Variants in COL20A1 observed in about 807,000 individuals in gnomAD.
The protein encoded by COL20A1 is collagen alpha-1(XX) chain.
A neutral mutation model predicts 152.9 loss-of-function variants in COL20A1; 164 were observed. That is an observed-to-expected ratio of 1.07 (90% CI 0.94 to 1.22). The LOEUF (loss-of-function observed/expected upper bound fraction) is 1.22, where lower values mean the gene tolerates loss of function less well. Ranked by LOEUF, COL20A1 falls within the 50% of genes most tolerant of loss-of-function variation. The probability of loss-of-function intolerance (pLI) is 0.00; values close to 1 mark genes in which losing one functional copy is unlikely to be tolerated. For missense variants in COL20A1, 1,873 were observed against 1,744.8 expected (o/e 1.07, Z -1.31); for synonymous variants, 864 against 756.0 (o/e 1.14, Z -2.34).
chr20:63,311,023 G>GC lies in COL20A1; in HGVS notation c.1394-364dup, dbSNP rs940650250. ...AGGAACCCTGCACCCCTAAGCACCC[G>GC]CCCCCCCAGCCACCCCAAGCCACCT... On this transcript the variant is annotated intron_variant, in intron 11 of 35. Transcript: ENST00000358894. The surrounding 1 kb of genome is among the most constrained non-coding windows in gnomAD (Gnocchi z 4.4). Among the ~76,000 whole-genome samples the GC allele has an allele frequency of 1.5e-5, 2 of 137,100 alleles. No homozygotes were observed. The highest frequency in any genetic ancestry group is 2.9e-5 in the African/African-American group (1 of 35,000). 89.9% of individuals were successfully genotyped at this position (137,100 alleles called of 152,430 possible).
chr20:63,327,813 A>C, intron 31 of COL20A1, 139 bp from the exon 32 acceptor site: 1 of 838,432 alleles, frequency 1.2e-6, no homozygotes, highest in Non-Finnish European at 1.9e-6. Context: ...GGATCTGGGA[A>C]TTTGGGATGG....
At chr20:63,312,636 G>T in intron 15 of COL20A1, 87 bp downstream of exon 15, 1 of 1,486,572 alleles carries the variant, frequency 6.7e-7, no homozygotes, top group Non-Finnish European at 9.0e-7. Context: ...AGTGTTTTGG[G>T]AGCCTGCCCT....
intron 8 of COL20A1, 23 bp downstream of exon 8, chr20:63,308,729 G>C: frequency 6.4e-7 from 1 of 1,556,730 alleles, no homozygotes. Context: ...CGGCTCCCCC[G>C]GCCCTGGAGT....
At chr20:63,317,726 C>G (rs924631648) in intron 21 of COL20A1, among the ~76,000 whole-genome samples, 3 of 151,976 alleles carry the variant, frequency 2.0e-5, no homozygotes, top group Non-Finnish European at 4.4e-5. Context: ...TCCCTCCCCC[C>G]AGTCTTGCTG....
In COL20A1 at chr20:63,308,534, C is replaced by A; in HGVS notation, c.776-8C>A. On this transcript the variant is annotated splice_polypyrimidine_tract_variant and splice_region_variant and intron_variant, in intron 7 of 35. Transcript: ENST00000358894. ...GCTGCCTGTCACTTTATTCCTGCTG[C>A]TCCCAAGGCCTTGCCCTGACCCACG... 1.9e-6 allele frequency: 3 copies of A among 1,572,752 alleles called. No individual in the cohort carries two copies. The highest frequency in any genetic ancestry group is 2.6e-6 in the Non-Finnish European group (3 of 1,159,874).
intron 27 of COL20A1, among the ~76,000 whole-genome samples, chr20:63,323,915 G>A (rs2068206097): frequency 1.3e-5 from 2 of 152,214 alleles, no homozygotes; most frequent in Non-Finnish European, 2.9e-5. Flanking sequence ...TACTGGAACT[G>A]CATTCGCTTT....
At chr20:63,314,290 A>G in intron 19 of COL20A1, 89 bp downstream of exon 19, 1 of 1,217,044 alleles carries the variant, frequency 8.2e-7, no homozygotes. Flanking sequence ...GACTCATCCA[A>G]CCCCAGACCC....
chr20:63,312,913 G>A lies in COL20A1; in HGVS notation c.2055G>A (p.Leu685=), dbSNP rs989973993. 3 of 1,555,608 alleles carry A rather than the reference G, an allele frequency of 1.9e-6. No individual in the cohort carries two copies. The Admixed American group carries it at 5.7e-5, about 30-fold the overall frequency. Residue 685 remains leucine (L), a synonymous_variant, in exon 16 of 36, where the codon CTG becomes CTA. Transcript: ENST00000358894. ...TCTACCAGATCACGTGGACGCCCCT[G>A]GGAGAGGGGAAGGCTCACGAGGTGG... is the stretch of plus-strand genomic sequence containing the variant. The part of the protein sequence containing the change: ...VLVYQITWTP[L]GEGKAHEISV...
intron 6 of COL20A1, 108 bp downstream of exon 6, chr20:63,307,756 C>T: frequency 7.5e-7 from 1 of 1,340,358 alleles, no homozygotes. Context: ...AGGGCTCTCA[C>T]CTTGTGGGGT....
At chr20:63,293,814 G>C (rs12625559) in intron 1 of COL20A1, among the ~76,000 whole-genome samples, 1 of 148,168 alleles carries the variant, frequency 6.7e-6, no homozygotes, top group Non-Finnish European at 1.5e-5. Flanking sequence ...GCCGGGTGAG[G>C]CCTTTCCCTT....
intron 33 of COL20A1, 100 bp from the exon 34 acceptor site, chr20:63,328,231 C>T: frequency 2.6e-6 from 4 of 1,554,222 alleles, no homozygotes; most frequent in Admixed American, 1.8e-5. Flanking sequence ...CGCCTTCACC[C>T]ATCGTTAGCA....
chr20:63,293,770 C>A (rs904386190), intron 1 of COL20A1, among the ~76,000 whole-genome samples: 2 of 151,734 alleles, frequency 1.3e-5, no homozygotes, highest in African/African-American at 4.8e-5. Flanking sequence ...GCCGGGCGGG[C>A]ATGAAATCCC....
At chr20:63,296,955 CA>C (rs1298852620) in intron 2 of COL20A1, among the ~76,000 whole-genome samples, 3 of 152,198 alleles carry the variant, frequency 2.0e-5, no homozygotes, top group Non-Finnish European at 4.4e-5. Flanking sequence ...CGGAAGCTTT[CA>C]GGGGGCACCA....
chr20:63,311,845 C>T lies in COL20A1; in HGVS notation c.1664-71C>T. 2 of 1,511,162 alleles carry T rather than the reference C, an allele frequency of 1.3e-6. No individual in the cohort carries two copies. The highest frequency in any genetic ancestry group is 1.8e-6 in the Non-Finnish European group (2 of 1,131,536). The allele number at this position is 1,511,162 out of a possible 1,614,324, so 93.6% of individuals were successfully genotyped here. A position where few individuals can be genotyped will look rare whatever the true frequency, so the allele number is the denominator to read the frequency against. On this transcript the variant is annotated intron_variant, in intron 13 of 35. Transcript: ENST00000358894. The surrounding 1 kb of genome is among the most constrained non-coding windows in gnomAD (Gnocchi z 4.4). ...GGGAGACCTCAGGCCCCCTCGGTCCCAGCCACTGCCCACCCTTGCCCCTGC... is the reference window on the plus strand; with the variant it reads ...GGGAGACCTCAGGCCCCCTCGGTCCTAGCCACTGCCCACCCTTGCCCCTGC...
chr20:63,318,952 CCTCAGGG>C, intron 21 of COL20A1, 99 bp from the exon 22 acceptor site: 1 of 870,892 alleles, frequency 1.1e-6, no homozygotes, highest in East Asian at 2.5e-5. Context: ...CTCAGAGCAG[CCTCAGGG>C]ACTGGCACTG....
rs1387281494 is a variant in COL20A1, at chr20:63,313,646, G to A, written c.2210-97G>A. ...TGGCATGATGTGGTGGAGGCATTAC[G>A]CAGAGCAGGGTAGGGGCTGGGCAGC... is the stretch of plus-strand genomic sequence containing the variant. On this transcript the variant is annotated intron_variant, in intron 17 of 35. Coordinates refer to ENST00000358894, the MANE Select transcript of COL20A1 (RefSeq NM_020882.4). This position sits in a 1 kb window ranked among gnomAD's most constrained non-coding sequence, Gnocchi z 5.9. The A allele has an allele frequency of 6.6e-6, 8 of 1,212,620 alleles. No individual in the cohort carries two copies. The highest frequency in any genetic ancestry group is 5.1e-5 in the East Asian group (2 of 38,990). 75.1% of individuals were successfully genotyped at this position (1,212,620 alleles called of 1,614,324 possible). A position where few individuals can be genotyped will look rare whatever the true frequency, so the allele number is the denominator to read the frequency against.
chr20:63,294,801 T>C (rs1306750392), intron 1 of COL20A1, among the ~76,000 whole-genome samples: 1 of 152,168 alleles, frequency 6.6e-6, no homozygotes. Flanking sequence ...TGGGGACAAC[T>C]GGGGGCTGGG....
Position 63,334,396 on chromosome 20 carries a change from T to A in COL20A1, c.*3680T>A, listed in dbSNP as rs1006961473. ...TGGTACCTAGAGGGCAATTTATAGC[T>A]GTAAATACAGTGCTTTGTTTTGTTT... On this transcript the variant is annotated 3_prime_UTR_variant, in exon 36 of 36. Transcript: ENST00000358894. 1.3e-5 allele frequency: 2 copies of A among 152,254 alleles called. No homozygotes were observed. The highest frequency in any genetic ancestry group is 4.8e-5 in the African/African-American group (2 of 41,466). The allele number at this position is 152,254 out of a possible 1,614,324, so 9.4% of individuals were successfully genotyped here. A position where few individuals can be genotyped will look rare whatever the true frequency, so the allele number is the denominator to read the frequency against.
intron 35 of COL20A1, 83 bp downstream of exon 35, chr20:63,329,744 C>T (rs1456191937): frequency 6.2e-6 from 6 of 973,872 alleles, no homozygotes; most frequent in Non-Finnish European, 8.9e-6. Flanking sequence ...ACGGGTGGGG[C>T]CTCATGCTGT....
Sources: gnomAD v4.1 joint callset for allele counts (sites outside exome capture counted in the v4.1 genomes callset) on GRCh38, gnomAD v4.1.1 for gene constraint, Gnocchi (gnomAD v3.1) non-coding constraint, MANE v1.5 for transcripts, NCBI Gene and HGNC (gene_info 2026-07-23, HGNC 2026-07-21) for gene names.